LRRK2: variants seen among roughly 807,000 people sequenced by gnomAD.
LRRK2 encodes leucine rich repeat kinase 2, also known as leucine-rich repeat serine/threonine-protein kinase 2.
In LRRK2, 203 loss-of-function variants were observed where a neutral mutation model predicts 302.6. The observed-to-expected ratio is 0.67, with a 90% CI of 0.60 to 0.75. The LOEUF (loss-of-function observed/expected upper bound fraction) is 0.75. LRRK2 is among the 30% of genes least tolerant of loss of function. LRRK2 has a pLI of 0.00. For missense variants in LRRK2, 2,830 were observed against 2,951.0 expected (o/e 0.96, Z 0.95); for synonymous variants, 1,066 against 1,031.9 (o/e 1.03, Z -0.63).
chr12:40,315,890 A>G (rs912102348), intron 33 of LRRK2, among the ~76,000 whole-genome samples: 4 of 152,046 alleles, frequency 2.6e-5, no homozygotes, highest in African/African-American at 7.2e-5. Context: ...ATAAAAGACC[A>G]TTTGAGCAAA....
chr12:40,359,532 A>T (rs1257568758), intron 47 of LRRK2, 88 bp downstream of exon 47: 2 of 1,046,116 alleles, frequency 1.9e-6, no homozygotes, highest in African/African-American at 3.3e-5. Context: ...GATAATTCAT[A>T]AGGAAGATCT....
intron 33 of LRRK2, chr12:40,316,150 A>C (rs1023569504): frequency 1.1e-5 from 2 of 177,666 alleles, no homozygotes; most frequent in African/African-American, 4.8e-5. Flanking sequence ...ATAGTTTTGC[A>C]TGTGGCTGCC....
At chr12:40,354,206 G>A (rs1946459326) in intron 44 of LRRK2, 93 bp from the exon 45 acceptor site, 4 of 1,051,276 alleles carry the variant, frequency 3.8e-6, no homozygotes, top group East Asian at 2.6e-5. Context: ...AGCAAAAAGA[G>A]TTATGTTGAT....
At chr12:40,265,196 G>T (rs1335306677) in intron 14 of LRRK2, among the ~76,000 whole-genome samples, 2 of 152,142 alleles carry the variant, frequency 1.3e-5, no homozygotes, top group Admixed American at 1.3e-4. Flanking sequence ...TTTATCTTGA[G>T]AAATATTTGT....
intron 40 of LRRK2, among the ~76,000 whole-genome samples, chr12:40,337,803 C>T (rs907544075): frequency 1.4e-4 from 21 of 152,186 alleles, no homozygotes; most frequent in South Asian, 2.1e-4. Context: ...CTTCCCTTTG[C>T]GGCCCCTGCC....
chr12:40,359,768 C>T (rs1203915623), intron 47 of LRRK2, among the ~76,000 whole-genome samples: 1 of 152,024 alleles, frequency 6.6e-6, no homozygotes, highest in East Asian at 1.9e-4. Flanking sequence ...GGAAGACAAT[C>T]AACTTTGTAT....
chr12:40,345,691 G>T (rs11564147), intron 41 of LRRK2, among the ~76,000 whole-genome samples: 1 of 147,706 alleles, frequency 6.8e-6, no homozygotes, highest in African/African-American at 2.5e-5. Flanking sequence ...TATACCCGAC[G>T]CATAAATTCA....
intron 19 of LRRK2, among the ~76,000 whole-genome samples, chr12:40,286,998 G>A (rs1943949126): frequency 6.6e-6 from 1 of 151,844 alleles, no homozygotes; most frequent in Non-Finnish European, 1.5e-5. Context: ...TCATTTTCCA[G>A]GTGAGGACAC....
intron 12 of LRRK2, among the ~76,000 whole-genome samples, chr12:40,259,228 C>A (rs1205315500): frequency 6.6e-6 from 1 of 152,088 alleles, no homozygotes; most frequent in Non-Finnish European, 1.5e-5. Context: ...ATTGACCCAT[C>A]GTAGGTCAGA....
Position 40,274,583 on chromosome 12 carries a change from T to C in LRRK2, c.1657T>C (p.Phe553Leu). The change falls in exon 15 of 51, where the codon TTC (phenylalanine) becomes CTC (leucine). Residue 553 changes from phenylalanine to leucine, a missense_variant and splice_region_variant. By Grantham distance (22) the Phe-to-Leu change is conservative (BLOSUM62 0). Around this residue, in one of 3 missense-constraint regions of LRRK2, gnomAD observed 2,121 missense variants for 2,148.0 expected, o/e 0.99. Coordinates refer to ENST00000298910, the MANE Select transcript of LRRK2 (RefSeq NM_198578.4). ...HKLVLAALNR[F>L]IGNPGIQKCG... ...ACAGCGAGTATTCTTTTGATTTTAGTTCATTGGAAATCCTGGGATTCAGAA... is the reference window on the plus strand; with the variant it reads ...ACAGCGAGTATTCTTTTGATTTTAGCTCATTGGAAATCCTGGGATTCAGAA... 1 of 1,613,738 alleles carries C rather than the reference T, an allele frequency of 6.2e-7. No homozygotes were observed. The highest frequency in any genetic ancestry group is 8.5e-7 in the Non-Finnish European group (1 of 1,179,822).
intron 13 of LRRK2, among the ~76,000 whole-genome samples, chr12:40,260,723 T>G (rs1376635217): frequency 6.6e-6 from 1 of 151,840 alleles, no homozygotes; most frequent in African/African-American, 2.4e-5. Flanking sequence ...TACAAGGAGA[T>G]TGGGTTGGAG....
intron 7 of LRRK2, among the ~76,000 whole-genome samples, chr12:40,248,903 A>G (rs1026596213): frequency 1.3e-5 from 2 of 152,114 alleles, no homozygotes; most frequent in African/African-American, 4.8e-5. Context: ...GCTGTGGAGA[A>G]TTTTTGCTTG....
intron 3 of LRRK2, among the ~76,000 whole-genome samples, 181 bp from the exon 4 acceptor site, chr12:40,235,445 C>T (rs1412233540): frequency 6.6e-6 from 1 of 152,150 alleles, no homozygotes; most frequent in Non-Finnish European, 1.5e-5. Flanking sequence ...CATTGCATTC[C>T]AGCCTGGGTG....
intron 40 of LRRK2, 24 bp from the exon 41 acceptor site, chr12:40,340,270 G>T: frequency 6.2e-7 from 1 of 1,612,216 alleles, no homozygotes; most frequent in South Asian, 1.1e-5. Flanking sequence ...ATTTGAATAA[G>T]ATTTCCTGTG....
At chr12:40,298,079 G>A (rs558889056) in intron 23 of LRRK2, among the ~76,000 whole-genome samples, 164 bp from the exon 24 acceptor site, 1 of 151,978 alleles carries the variant, frequency 6.6e-6, no homozygotes, top group East Asian at 1.9e-4. Context: ...AAGCAGAGAC[G>A]ATTGGGCCAA....
At chr12:40,237,823 C>CAACA (rs58016929) in intron 4 of LRRK2, 146 bp from the exon 5 acceptor site, 40,233 of 752,826 alleles carry the variant, frequency 0.053, 1,236 homozygotes, top group Admixed American at 0.13. Context: ...AGTAGTTTAT[C>CAACA]AACAAACAAA....
chr12:40,285,823 A>G (rs1943905186), intron 19 of LRRK2, among the ~76,000 whole-genome samples: 2 of 152,034 alleles, frequency 1.3e-5, no homozygotes, highest in Admixed American at 6.6e-5. Flanking sequence ...AAAAAAGGGC[A>G]CAGACAGTGT....
At chr12:40,240,865 A>G (rs1005142809) in intron 6 of LRRK2, among the ~76,000 whole-genome samples, 3 of 152,168 alleles carry the variant, frequency 2.0e-5, no homozygotes, top group Non-Finnish European at 4.4e-5. Flanking sequence ...TTGTAGTACA[A>G]TGGGGGACAC....
rs573621382 is a variant in LRRK2 at position 40,298,004 on chromosome 12, C to G, written c.3097-239C>G. 9.9e-5 allele frequency among the ~76,000 whole-genome samples: 15 copies of G among 152,080 alleles called. No homozygotes were observed. In the South Asian group the frequency reaches 3.1e-3, roughly 32 times the overall value. On this transcript the variant is annotated intron_variant, in intron 23 of 50. Transcript: ENST00000298910. ...AAAAAGCTGAAGGAAGCTTTCAACT[C>G]TATTTTTGTGAACCTGCTTTTTACA...
Sources: gnomAD v4.1 joint callset for allele counts (sites outside exome capture counted in the v4.1 genomes callset) on GRCh38, gnomAD v4.1.1 for gene constraint, gnomAD v4.1.1 regional missense constraint, MANE v1.5 for transcripts, NCBI Gene and HGNC (gene_info 2026-07-23, HGNC 2026-07-21) for gene names.